COL24A1: variants seen among roughly 807,000 people sequenced by gnomAD.
The protein encoded by COL24A1 is collagen alpha-1(XXIV) chain.
COL24A1 carries 224 observed loss-of-function variants against 253.9 expected under a neutral mutation model. The observed-to-expected ratio is 0.88, with a 90% confidence interval of 0.79 to 0.99. The LOEUF (loss-of-function observed/expected upper bound fraction) is 0.99. COL24A1 is among the 50% of genes least tolerant of loss of function. COL24A1 has a pLI of 0.00. For missense variants in COL24A1, 2,131 were observed against 2,068.5 expected, an observed-to-expected ratio of 1.03 and a Z score of -0.59; for synonymous variants, 685 against 673.7, an observed-to-expected ratio of 1.02 and a Z score of -0.26.
At chr1:85,783,258 G>C (rs1669317444) in intron 51 of COL24A1, among the ~76,000 whole-genome samples, 1 of 146,840 alleles carries the variant, frequency 6.8e-6, no homozygotes, top group Non-Finnish European at 1.5e-5. Context: ...CAGTAATTCT[G>C]ATGATTCTTT....
chr1:85,736,374 C>T (rs1185587625), intron 58 of COL24A1: 2 of 456,288 alleles, frequency 4.4e-6, no homozygotes, highest in Admixed American at 2.3e-5. Flanking sequence ...TTCCTCTGCA[C>T]AGTTCACACA....
intron 5 of COL24A1, among the ~76,000 whole-genome samples, chr1:86,107,517 AT>A (rs1557650807): frequency 3.3e-5 from 2 of 61,264 alleles, no homozygotes. Context: ...TAATTTATTT[AT>A]TTATTTATTT....
intron 57 of COL24A1, among the ~76,000 whole-genome samples, chr1:85,737,926 C>T (rs1453783740): frequency 6.6e-6 from 1 of 152,094 alleles, no homozygotes; most frequent in Non-Finnish European, 1.5e-5. Flanking sequence ...CTGTTAAAAA[C>T]TTAGAAGATT....
chr1:86,011,022 G>A (rs1001612833), intron 19 of COL24A1, among the ~76,000 whole-genome samples: 1 of 152,010 alleles, frequency 6.6e-6, no homozygotes, highest in Non-Finnish European at 1.5e-5. Flanking sequence ...AGAGGATGAG[G>A]ACAGGACAGA....
chr1:85,783,358 C>T, intron 51 of COL24A1, 138 bp downstream of exon 51: 1 of 626,566 alleles, frequency 1.6e-6, no homozygotes, highest in South Asian at 2.6e-5. Context: ...TTGAATTCTG[C>T]ATGTGCCCTT....
At chr1:86,093,181 G>A (rs1297155678) in intron 5 of COL24A1, among the ~76,000 whole-genome samples, 1 of 151,988 alleles carries the variant, frequency 6.6e-6, no homozygotes, top group Non-Finnish European at 1.5e-5. Flanking sequence ...TAAGCTGACT[G>A]ATGAAGGATG....
chr1:85,902,628 A>G (rs1245739732), intron 28 of COL24A1, among the ~76,000 whole-genome samples: 2 of 152,160 alleles, frequency 1.3e-5, no homozygotes, highest in Non-Finnish European at 2.9e-5. Flanking sequence ...CCTGCTGAAG[A>G]GCCCACTGAG....
chr1:86,122,213 C>G (rs547403075), intron 3 of COL24A1, among the ~76,000 whole-genome samples: 1 of 151,916 alleles, frequency 6.6e-6, no homozygotes, highest in Non-Finnish European at 1.5e-5. Flanking sequence ...TTCTCTGTCT[C>G]TTTTGGCCCT....
chr1:85,887,605 C>T (rs1015914691), intron 32 of COL24A1, among the ~76,000 whole-genome samples: 1 of 151,890 alleles, frequency 6.6e-6, no homozygotes, highest in Non-Finnish European at 1.5e-5. Flanking sequence ...ATCGTTGTGG[C>T]TGTGTTTCAA....
chr1:85,765,848 C>A (rs1044967005), intron 53 of COL24A1, among the ~76,000 whole-genome samples: 4 of 152,078 alleles, frequency 2.6e-5, no homozygotes, highest in African/African-American at 7.2e-5. Context: ...CTAATTGTAT[C>A]CCATTATTTC....
chr1:86,119,208 A>G (rs1481802837), intron 3 of COL24A1, among the ~76,000 whole-genome samples: 1 of 152,212 alleles, frequency 6.6e-6, no homozygotes, highest in Non-Finnish European at 1.5e-5. Context: ...AAGGATCATA[A>G]CCACAAACCA....
intron 3 of COL24A1, among the ~76,000 whole-genome samples, chr1:86,117,479 C>T (rs549203425): frequency 9.9e-5 from 15 of 152,266 alleles, no homozygotes; most frequent in African/African-American, 2.6e-4. Flanking sequence ...GTATAAGCCT[C>T]CTAGTTTATG....
intron 55 of COL24A1, among the ~76,000 whole-genome samples, chr1:85,760,934 G>A (rs1330922306): frequency 1.3e-5 from 2 of 152,138 alleles, no homozygotes; most frequent in Non-Finnish European, 2.9e-5. Flanking sequence ...ATAGTAGTTA[G>A]ATAATAAGCA....
chr1:85,971,561 T>A (rs1692173292), intron 20 of COL24A1, among the ~76,000 whole-genome samples, 168 bp from the exon 21 acceptor site: 1 of 152,224 alleles, frequency 6.6e-6, no homozygotes, highest in Non-Finnish European at 1.5e-5. Context: ...ACTGGGCATC[T>A]AAAAATATAG....
chr1:85,908,750 G>T, intron 26 of COL24A1, 99 bp from the exon 27 acceptor site: 1 of 479,848 alleles, frequency 2.1e-6, no homozygotes, highest in Non-Finnish European at 3.6e-6. Context: ...AATAAAAAGG[G>T]ATAATTTGAC....
chr1:86,045,226 C>T (rs28653636), intron 12 of COL24A1, among the ~76,000 whole-genome samples: 4 of 152,110 alleles, frequency 2.6e-5, no homozygotes, highest in Admixed American at 6.5e-5. Context: ...CTGACCTCAA[C>T]TGATCTGCCC....
chr1:85,896,328 A>T (rs753673426), intron 29 of COL24A1, 28 bp downstream of exon 29: 1 of 1,593,204 alleles, frequency 6.3e-7, no homozygotes, highest in South Asian at 1.1e-5. Flanking sequence ...ATTTAACTAC[A>T]TATGAAATGA....
intron 24 of COL24A1, among the ~76,000 whole-genome samples, chr1:85,926,990 TG>T (rs1279698197): frequency 6.6e-6 from 1 of 152,198 alleles, no homozygotes; most frequent in Admixed American, 6.5e-5. Flanking sequence ...ACCAGGTTGA[TG>T]GTAACCTGTA....
At chr1:86,102,310 A>C (rs1454796985) in intron 5 of COL24A1, among the ~76,000 whole-genome samples, 1 of 151,772 alleles carries the variant, frequency 6.6e-6, no homozygotes, top group Non-Finnish European at 1.5e-5. Context: ...CAGTCTATTT[A>C]TTTTACTAAT....
Sources: allele counts gnomAD v4.1 joint callset (sites outside exome capture counted in the v4.1 genomes callset), GRCh38; gene constraint gnomAD v4.1.1; transcripts MANE v1.5; gene names NCBI Gene and HGNC (gene_info 2026-07-23, HGNC 2026-07-21).